The following CHRM3 variants were observed in gnomAD, a reference collection of about 807,000 sequenced individuals.
CHRM3 encodes cholinergic receptor muscarinic 3, also known as muscarinic acetylcholine receptor M3.
CHRM3 carries 11 observed loss-of-function variants against 41.8 expected under a neutral mutation model. The observed-to-expected ratio is 0.26, with a 90% CI of 0.17 to 0.44. The LOEUF is 0.44. Ranked by LOEUF, CHRM3 falls within the 20% of genes least tolerant of loss-of-function variation. The pLI is 1.00. For missense variants in CHRM3, 571 were observed against 745.4 expected (o/e 0.77, Z 2.72); for synonymous variants, 297 against 301.4 (o/e 0.99, Z 0.15).
intron 1 of CHRM3, among the ~76,000 whole-genome samples, chr1:239,436,918 T>TC: frequency 6.6e-6 from 1 of 152,112 alleles, no homozygotes; most frequent in Non-Finnish European, 1.5e-5. Flanking sequence ...ACCTTATCAT[T>TC]AAGGACACCT....
intron 6 of CHRM3, among the ~76,000 whole-genome samples, chr1:239,870,506 G>A (rs1676484993): frequency 6.6e-6 from 1 of 152,172 alleles, no homozygotes; most frequent in Non-Finnish European, 1.5e-5. Flanking sequence ...ACATCAAATG[G>A]ATCTGCTGAC....
chr1:239,883,751 A>G (rs1370409589), intron 6 of CHRM3, among the ~76,000 whole-genome samples: 1 of 152,218 alleles, frequency 6.6e-6, no homozygotes, highest in Non-Finnish European at 1.5e-5. Context: ...TTATTTGTTG[A>G]ACATCTGAAT....
chr1:239,796,421 TATC>T (rs1464436357), intron 5 of CHRM3, among the ~76,000 whole-genome samples: 3 of 152,184 alleles, frequency 2.0e-5, no homozygotes, highest in African/African-American at 7.2e-5. Context: ...CCAAAGGTCT[TATC>T]ATAGTTATAT....
chr1:239,392,945 G>T (rs969941458), intron 1 of CHRM3, among the ~76,000 whole-genome samples: 1 of 152,116 alleles, frequency 6.6e-6, no homozygotes, highest in African/African-American at 2.4e-5. Context: ...ATTCCATCGA[G>T]CTAGCTCTCA....
intron 2 of CHRM3, among the ~76,000 whole-genome samples, chr1:239,507,561 T>A (rs1405327588): frequency 2.0e-5 from 3 of 152,184 alleles, no homozygotes; most frequent in Non-Finnish European, 4.4e-5. Context: ...ACTAATACAA[T>A]GATGATGATT....
rs150746579 is a variant in CHRM3 at position 239,465,124 on chromosome 1, A to C, written c.-520-27585A>C. 2.2e-3 allele frequency among the ~76,000 whole-genome samples: 332 copies of C among 152,260 alleles called. 3 individuals are homozygous for C. Among genetic ancestry groups the C allele is most frequent in the Admixed American group, 0.019 (289 of 15,294 alleles). Reference sequence around the variant, plus strand: ...GATTAAAATATAAAATGGAGATATGATGTTTTCTAAGCTTTATTTAGACAG... The same window carrying C: ...GATTAAAATATAAAATGGAGATATGCTGTTTTCTAAGCTTTATTTAGACAG... On this transcript the variant is annotated intron_variant, in intron 1 of 6. Transcript: ENST00000676153.
chr1:239,495,899 C>T (rs1411805633), intron 2 of CHRM3, among the ~76,000 whole-genome samples: 1 of 151,960 alleles, frequency 6.6e-6, no homozygotes, highest in Non-Finnish European at 1.5e-5. Flanking sequence ...TTCCTTCTCC[C>T]TACTTTTAGC....
At chr1:239,529,543 C>T (rs1309678395) in intron 2 of CHRM3, among the ~76,000 whole-genome samples, 6 of 138,730 alleles carry the variant, frequency 4.3e-5, no homozygotes, top group Non-Finnish European at 7.6e-5. Flanking sequence ...ACCCAGGAGG[C>T]GGAGGTTGCA....
At chr1:239,481,397 C>T (rs897559993) in intron 1 of CHRM3, among the ~76,000 whole-genome samples, 10 of 152,144 alleles carry the variant, frequency 6.6e-5, no homozygotes, top group Admixed American at 1.3e-4. Flanking sequence ...GCACTGTTTG[C>T]ACTTTTCCAC....
intron 1 of CHRM3, among the ~76,000 whole-genome samples, chr1:239,434,139 T>A (rs562678988): frequency 1.6e-4 from 24 of 152,332 alleles, no homozygotes; most frequent in Non-Finnish European, 2.2e-4. Flanking sequence ...AAAGCTCTAT[T>A]TTAAGGATCA....
rs899832717 is a variant in CHRM3, at chr1:239,799,015, G to A, written c.-146-28237G>A. On this transcript the variant is annotated intron_variant, in intron 5 of 6. Coordinates refer to ENST00000676153, the MANE Select transcript of CHRM3 (RefSeq NM_001375978.1). ...TAGCAGGAGGCAGGAACTGGACCTC[G>A]GGAAGTAGCTGTGTTTCACAGACAG... Among the ~76,000 whole-genome samples, 41 of 152,274 alleles carry A rather than the reference G, an allele frequency of 2.7e-4. 2 individuals are homozygous for A. The highest frequency in any genetic ancestry group is 3.9e-4 in the East Asian group (2 of 5,170).
At chr1:239,833,151 G>A (rs982163790) in intron 6 of CHRM3, among the ~76,000 whole-genome samples, 3 of 152,180 alleles carry the variant, frequency 2.0e-5, no homozygotes, top group African/African-American at 7.2e-5. Context: ...TTGAATTTGA[G>A]GTCCACCTCC....
chr1:239,409,271 T>A (rs970285814), intron 1 of CHRM3, among the ~76,000 whole-genome samples: 1 of 152,192 alleles, frequency 6.6e-6, no homozygotes, highest in Non-Finnish European at 1.5e-5. Context: ...TTTAAACATA[T>A]TATGATACAA....
At chr1:239,826,311 A>G (rs912226759) in intron 5 of CHRM3, among the ~76,000 whole-genome samples, 2 of 152,168 alleles carry the variant, frequency 1.3e-5, no homozygotes, top group Non-Finnish European at 2.9e-5. Context: ...GCATTTTGCG[A>G]TCTTATAGTT....
intron 3 of CHRM3, among the ~76,000 whole-genome samples, chr1:239,602,602 T>G (rs1029043499): frequency 6.6e-6 from 1 of 152,152 alleles, no homozygotes; most frequent in Non-Finnish European, 1.5e-5. Context: ...GTTGTTCCTA[T>G]GTAGGGTTAG....
At chr1:239,873,438 A>AC (rs1418151234) in intron 6 of CHRM3, among the ~76,000 whole-genome samples, 1 of 151,890 alleles carries the variant, frequency 6.6e-6, no homozygotes, top group Admixed American at 6.6e-5. Context: ...GGTTTGCTGC[A>AC]CCCATCAACC....
chr1:239,693,354 G>T (rs565048359), intron 5 of CHRM3, among the ~76,000 whole-genome samples: 3 of 152,216 alleles, frequency 2.0e-5, no homozygotes, highest in Non-Finnish European at 4.4e-5. Context: ...GGCCATAAGG[G>T]TAGGATCTCT....
intron 6 of CHRM3, among the ~76,000 whole-genome samples, chr1:239,862,595 A>G (rs537873339): frequency 1.3e-5 from 2 of 152,214 alleles, no homozygotes; most frequent in South Asian, 2.1e-4. Context: ...GTGTTTGAAC[A>G]TGTAAGCAAA....
At chr1:239,544,726 A>G (rs1231294163) in intron 2 of CHRM3, among the ~76,000 whole-genome samples, 1 of 152,214 alleles carries the variant, frequency 6.6e-6, no homozygotes. Flanking sequence ...CTCACTTTAT[A>G]TCTATCTTGA....
Sources: allele counts gnomAD v4.1 joint callset (sites outside exome capture counted in the v4.1 genomes callset), GRCh38; gene constraint gnomAD v4.1.1; transcripts MANE v1.5; gene names NCBI Gene and HGNC (gene_info 2026-07-23, HGNC 2026-07-21).